The following CREB5 variants were observed in gnomAD, a reference collection of about 807,000 sequenced individuals.
The protein encoded by CREB5 is cyclic AMP-responsive element-binding protein 5.
CREB5 carries 19 observed loss-of-function variants against 57.1 expected under a neutral mutation model. That is an observed-to-expected ratio of 0.33 (90% CI 0.23 to 0.49). The LOEUF (loss-of-function observed/expected upper bound fraction) is 0.49, where lower values mean the gene tolerates loss of function less well. Among genes scored for constraint, CREB5 ranks in the 20% least tolerant of loss-of-function variants. The pLI, the probability that CREB5 is intolerant of heterozygous loss-of-function variation, is 0.99. For synonymous variants in CREB5, 238 were observed against 238.3 expected (o/e 1.00, Z 0.01); for missense variants, 579 against 671.6 (o/e 0.86, Z 1.52).
chr7:28,692,727 C>A (rs73304967), intron 5 of CREB5, among the ~76,000 whole-genome samples: 4 of 152,276 alleles, frequency 2.6e-5, no homozygotes, highest in African/African-American at 9.6e-5. Flanking sequence ...CGAGATCGCA[C>A]CACTGCACAA....
chr7:28,734,920 G>T (rs529364447), intron 7 of CREB5, among the ~76,000 whole-genome samples: 15 of 152,198 alleles, frequency 9.9e-5, no homozygotes, highest in African/African-American at 3.6e-4. Flanking sequence ...TTACTTTAAG[G>T]TGAAGGTGAT....
chr7:28,415,993 C>G (rs113025639), intron 1 of CREB5, among the ~76,000 whole-genome samples: 6,640 of 152,116 alleles, frequency 0.044, 418 homozygotes, highest in African/African-American at 0.14. Flanking sequence ...CAAAACTTGA[C>G]CAATCATAAC....
chr7:28,672,821 A>G (rs543966389), intron 5 of CREB5, among the ~76,000 whole-genome samples: 1 of 152,214 alleles, frequency 6.6e-6, no homozygotes, highest in Non-Finnish European at 1.5e-5. Context: ...TCACCTGCAG[A>G]ATGAGGAAAT....
At chr7:28,590,181 TA>T (rs1327465748) in intron 5 of CREB5, among the ~76,000 whole-genome samples, 1 of 152,162 alleles carries the variant, frequency 6.6e-6, no homozygotes, top group African/African-American at 2.4e-5. Flanking sequence ...TTACTGGGTA[TA>T]TACCCAAAGG....
At chr7:28,502,800 T>C (rs1792322082) in intron 3 of CREB5, among the ~76,000 whole-genome samples, 4 of 152,212 alleles carry the variant, frequency 2.6e-5, no homozygotes, top group African/African-American at 9.6e-5. Flanking sequence ...GACCCCTGCA[T>C]TTTCCCTTCT....
rs1796556631 is a variant in CREB5, at chr7:28,592,539, T to C, written c.464+22002T>C. Among the ~76,000 whole-genome samples, 3 of 152,140 alleles carry C rather than the reference T, an allele frequency of 2.0e-5. No individual in the cohort carries two copies. The South Asian group carries it at 6.2e-4, about 32-fold the overall frequency. ...TTGACATCCTTTTGAACTGAGAATA[T>C]GGTAGTTAGTGGCTCTACATCACCC... On this transcript the variant is annotated intron_variant, in intron 5 of 10. Coordinates refer to ENST00000357727, the MANE Select transcript of CREB5 (RefSeq NM_182898.4).
rs1802216289 is a variant in CREB5 at position 28,708,143 on chromosome 7, G to GGTCTTTTTTC, written c.465-10610_465-10609insGTCTTTTTTC. Among the ~76,000 whole-genome samples, 22 of 152,326 alleles carry GGTCTTTTTTC rather than the reference G, an allele frequency of 1.4e-4. No individual in the cohort carries two copies. In the South Asian group the frequency reaches 4.4e-3, roughly 30 times the overall value. ...CTCTGTTAGGATATAACCCAGTGAA[G>GGTCTTTTTTC]AGTTTGCTCAGCCTTGTTAGGCAAT... On this transcript the variant is annotated intron_variant, in intron 5 of 10. Coordinates refer to ENST00000357727, the MANE Select transcript of CREB5 (RefSeq NM_182898.4).
chr7:28,729,627 G>A (rs1388767086), intron 7 of CREB5, among the ~76,000 whole-genome samples: 1 of 152,146 alleles, frequency 6.6e-6, no homozygotes, highest in African/African-American at 2.4e-5. Flanking sequence ...ACAGTCTCCA[G>A]GTAACATCTC....
chr7:28,733,663 T>G (rs1803795729), intron 7 of CREB5, among the ~76,000 whole-genome samples: 1 of 152,170 alleles, frequency 6.6e-6, no homozygotes, highest in Admixed American at 6.5e-5. Context: ...AGCTTTACTG[T>G]GTTGTCATTG....
chr7:28,341,561 A>G (rs947861703), intron 1 of CREB5, among the ~76,000 whole-genome samples: 1 of 152,176 alleles, frequency 6.6e-6, no homozygotes, highest in Non-Finnish European at 1.5e-5. Flanking sequence ...TACTACCTCC[A>G]ACTGATTGTA....
chr7:28,617,525 A>G (rs1474586161), intron 5 of CREB5, among the ~76,000 whole-genome samples: 1 of 152,226 alleles, frequency 6.6e-6, no homozygotes, highest in Non-Finnish European at 1.5e-5. Context: ...AGAATCCACC[A>G]TTTGAATCAC....
chr7:28,389,381 T>C (rs1436436864), intron 1 of CREB5, among the ~76,000 whole-genome samples: 4 of 152,142 alleles, frequency 2.6e-5, no homozygotes. Context: ...CAACAACAAC[T>C]ACGTGCACAA....
chr7:28,320,927 G>A (rs1006761990), intron 1 of CREB5, among the ~76,000 whole-genome samples: 37 of 152,212 alleles, frequency 2.4e-4, no homozygotes, highest in African/African-American at 8.9e-4. Flanking sequence ...ATGCAGAGAG[G>A]CAGAATGGGA....
chr7:28,665,130 C>T (rs192127423), intron 5 of CREB5, among the ~76,000 whole-genome samples: 1 of 152,256 alleles, frequency 6.6e-6, no homozygotes, highest in East Asian at 1.9e-4. Flanking sequence ...TCTCATTTCT[C>T]TATGGAAGCA....
intron 5 of CREB5, among the ~76,000 whole-genome samples, chr7:28,703,915 T>C (rs1326656044): frequency 6.6e-6 from 1 of 152,232 alleles, no homozygotes; most frequent in Non-Finnish European, 1.5e-5. Context: ...ACAGGCACCA[T>C]GGACTGGATC....
intron 7 of CREB5, among the ~76,000 whole-genome samples, chr7:28,747,687 C>T (rs1804760718): frequency 6.6e-6 from 1 of 152,204 alleles, no homozygotes; most frequent in African/African-American, 2.4e-5. Flanking sequence ...TCTGAGAAAG[C>T]TTCAGACACC....
intron 5 of CREB5, among the ~76,000 whole-genome samples, chr7:28,682,696 A>G (rs1412514385): frequency 1.8e-5 from 2 of 113,386 alleles, no homozygotes; most frequent in South Asian, 2.8e-4. Context: ...GGGGGGGGGA[A>G]ACCCCAGCTC....
rs117102204 is a variant in CREB5, at chr7:28,822,973, G to T, written c.*3694G>T. On this transcript the variant is annotated 3_prime_UTR_variant, in exon 11 of 11. Coordinates refer to ENST00000357727, the MANE Select transcript of CREB5 (RefSeq NM_182898.4). ...ATATTATAGTAATTAGGGTGACTTAGAGCAAATACTCTTCAGATCCTATGT... is the reference window on the plus strand; with the variant it reads ...ATATTATAGTAATTAGGGTGACTTATAGCAAATACTCTTCAGATCCTATGT... 2 of 152,596 alleles carry T rather than the reference G, an allele frequency of 1.3e-5. No homozygotes were observed. The highest frequency in any genetic ancestry group is 2.9e-5 in the Non-Finnish European group (2 of 68,046). 9.5% of individuals were successfully genotyped at this position (152,596 alleles called of 1,614,324 possible).
chr7:28,354,413 T>C (rs925525292), intron 1 of CREB5, among the ~76,000 whole-genome samples: 6 of 152,190 alleles, frequency 3.9e-5, no homozygotes, highest in South Asian at 2.1e-4. Context: ...CCTATGCTGA[T>C]GCTTCCTGCT....
Sources: allele counts gnomAD v4.1 joint callset (sites outside exome capture counted in the v4.1 genomes callset), GRCh38; gene constraint gnomAD v4.1.1; transcripts MANE v1.5; gene names NCBI Gene and HGNC (gene_info 2026-07-23, HGNC 2026-07-21).